Variants in ESYT1 observed in about 807,000 individuals in gnomAD.
The protein encoded by ESYT1 is extended synaptotagmin 1.
ESYT1 carries 116 observed loss-of-function variants against 154.2 expected under a neutral mutation model. The ratio of observed to expected loss-of-function variants is 0.75; its 90% CI spans 0.65 to 0.88. The LOEUF is 0.88. Ranked by LOEUF, ESYT1 falls within the 40% of genes least tolerant of loss-of-function variation. The pLI is 0.00. For missense variants in ESYT1, 1,264 were observed against 1,379.3 expected (o/e 0.92, Z 1.32); for synonymous variants, 500 against 539.9 (o/e 0.93, Z 1.02).
chr12:56,133,786 A>G lies in ESYT1; in HGVS notation c.1386A>G (p.Leu462=). Residue 462 remains leucine (L), a synonymous_variant, in exon 13 of 31, where the codon CTA becomes CTG. Transcript: ENST00000394048. ...LSDAEKLEQV[L]QWNWGVSSRP... ...CTACTACCACCCCTCCCCAGGTTCT[A>G]CAGTGGAATTGGGGAGTCTCCTCTC... The G allele has an allele frequency of 6.2e-7, 1 of 1,614,126 alleles. No homozygotes were observed. The highest frequency in any genetic ancestry group is 1.3e-5 in the African/African-American group (1 of 75,036).
chr12:56,142,147 A>T lies in ESYT1; in HGVS notation c.2593-138A>T. 1.0e-6 allele frequency: 1 copy of T among 967,140 alleles called. No individual in the cohort carries two copies. Among genetic ancestry groups the T allele is most frequent in the Non-Finnish European group, 1.5e-6 (1 of 649,564 alleles). The allele number at this position is 967,140 out of a possible 1,614,324, so 59.9% of individuals were successfully genotyped here. On this transcript the variant is annotated intron_variant, in intron 24 of 30. Transcript: ENST00000394048. This position sits in a 1 kb window ranked among gnomAD's most constrained non-coding sequence, Gnocchi z 4.1. ...ACAGAGGGAGGGACTAGCAACTGTT[A>T]CCATGGCTTCCCTGCCTTTCTCAAA...
At chr12:56,131,864 G>A (rs1161456716) in intron 7 of ESYT1, 60 bp downstream of exon 7, 21 of 1,547,402 alleles carry the variant, frequency 1.4e-5, no homozygotes, top group African/African-American at 2.7e-5. Flanking sequence ...GGGTTTAAGG[G>A]ACACAGAGCA....
Position 56,144,661 on chromosome 12 carries a change from T to G in ESYT1, c.*799T>G. Reference sequence around the variant, plus strand: ...AAGCCACTGGATCTTACATTAAACATCATACTCAAACCAGCTGTGGTTCTT... The same window carrying G: ...AAGCCACTGGATCTTACATTAAACAGCATACTCAAACCAGCTGTGGTTCTT... On this transcript the variant is annotated 3_prime_UTR_variant, in exon 31 of 31. Coordinates refer to ENST00000394048, the MANE Select transcript of ESYT1 (RefSeq NM_015292.3). 8 of 985,402 alleles carry G rather than the reference T, an allele frequency of 8.1e-6. No individual in the cohort carries two copies. The highest frequency in any genetic ancestry group is 9.6e-6 in the Non-Finnish European group (8 of 829,916). 61.0% of individuals were successfully genotyped at this position (985,402 alleles called of 1,614,324 possible).
At chr12:56,130,749 G>C in intron 2 of ESYT1, 42 bp from the exon 3 acceptor site, 1 of 1,613,260 alleles carries the variant, frequency 6.2e-7, no homozygotes, top group African/African-American at 1.3e-5. Flanking sequence ...GCCTTGAGAG[G>C]GAAGACTGGA....
At chr12:56,141,888 T>C (rs1367659996) in intron 24 of ESYT1, among the ~76,000 whole-genome samples, 1 of 151,918 alleles carries the variant, frequency 6.6e-6, no homozygotes, top group East Asian at 1.9e-4. Flanking sequence ...CACCTGAGGT[T>C]GGGAGTTTGA....
At position 56,143,782 on chromosome 12, in the gene ESYT1, G is replaced by T. The variant is rs376091553; in HGVS notation, c.3276-41G>T. ...ATCGTGTCTCATTTATAAATATGAT[G>T]ACACAAGAGTCATCTTTCTACATGA... is the stretch of plus-strand genomic sequence containing the variant. On this transcript the variant is annotated intron_variant, in intron 30 of 30. Transcript: ENST00000394048. 7 of 1,613,812 alleles carry T rather than the reference G, an allele frequency of 4.3e-6. No individual in the cohort carries two copies. The African/African-American group carries it at 8.0e-5, about 18-fold the overall frequency.
intron 7 of ESYT1, 87 bp downstream of exon 7, chr12:56,131,891 G>A (rs1338317065): frequency 1.5e-6 from 2 of 1,354,286 alleles, no homozygotes; most frequent in Non-Finnish European, 1.1e-6. Context: ...GATGCTGCTT[G>A]TGTCCTCTAG....
intron 22 of ESYT1, 116 bp from the exon 23 acceptor site, chr12:56,138,652 G>C (rs1482985852): frequency 2.3e-6 from 3 of 1,284,658 alleles, no homozygotes; most frequent in Admixed American, 1.7e-5. Context: ...TCAAGGCCAC[G>C]GGTAGTGGCT....
chr12:56,129,700 C>T (rs995686099), intron 1 of ESYT1: 1 of 152,304 alleles, frequency 6.6e-6, no homozygotes, highest in Non-Finnish European at 1.5e-5. Flanking sequence ...AACCAATCTT[C>T]CTACCCCCAA....
rs1324919813 is a variant in ESYT1 at position 56,142,323 on chromosome 12, C to T, written c.2631C>T (p.Ser877=). The T allele has an allele frequency of 1.9e-6, 3 of 1,614,014 alleles. No individual in the cohort carries two copies. The highest frequency in any genetic ancestry group is 2.7e-5 in the African/African-American group (2 of 74,912). ...GEGTGVLGSL[S]LPLSELLVAD... Reference sequence around the variant, plus strand: ...GCACTGGCGTGCTGGGCTCATTATCCCTGCCCCTCTCAGAGCTCCTCGTGG... The same window carrying T: ...GCACTGGCGTGCTGGGCTCATTATCTCTGCCCCTCTCAGAGCTCCTCGTGG... The change falls in exon 25 of 31, where the codon TCC becomes TCT. Residue 877 remains serine (S), a synonymous_variant. Coordinates refer to ENST00000394048, the MANE Select transcript of ESYT1 (RefSeq NM_015292.3). The surrounding 1 kb of genome is among the most constrained non-coding windows in gnomAD (Gnocchi z 4.1).
In ESYT1 at chr12:56,142,923, C is replaced by A; in HGVS notation, c.2977C>A (p.His993Asn). The change falls in exon 27 of 31, where the codon CAT (histidine) becomes AAT (asparagine). Residue 993 changes from histidine (H) to asparagine (N), a missense_variant. Physicochemically the swap from His to Asn is moderately conservative, Grantham distance 68. Coordinates refer to ENST00000394048, the MANE Select transcript of ESYT1 (RefSeq NM_015292.3). This position sits in a 1 kb window ranked among gnomAD's most constrained non-coding sequence, Gnocchi z 4.1. The part of the protein sequence containing the change: ...SEERKLVSIV[H>N]GCRSLRQNGR... ...AGAACGAAAGCTGGTCAGCATTGTT[C>A]ATGGTTGCCGGTGAGACCCCATCCC... 1 of 1,614,134 alleles carries A rather than the reference C, an allele frequency of 6.2e-7. No homozygotes were observed. Among genetic ancestry groups the A allele is most frequent in the South Asian group, 1.1e-5 (1 of 91,044 alleles).
rs200317832 is a variant in ESYT1, at chr12:56,133,577, A to G, written c.1294-11A>G. The G allele has an allele frequency of 3.7e-5, 59 of 1,613,996 alleles. No homozygotes were observed. The highest frequency in any genetic ancestry group is 5.3e-5 in the African/African-American group (4 of 74,914). On this transcript the variant is annotated splice_polypyrimidine_tract_variant and intron_variant, in intron 11 of 30. Coordinates refer to ENST00000394048, the MANE Select transcript of ESYT1 (RefSeq NM_015292.3). ...GGTATCTGATCTCTACTACATCTCA[A>G]TTTCTTCTAGTGGTTCCCTCTACAA... is the stretch of plus-strand genomic sequence containing the variant.
At chr12:56,136,648 C>G in intron 15 of ESYT1, 96 bp from the exon 16 acceptor site, 1 of 1,058,976 alleles carries the variant, frequency 9.4e-7, no homozygotes, top group Admixed American at 2.8e-5. Flanking sequence ...GTGATTGGTA[C>G]AGAGAGGAAT....
chr12:56,143,630 G>T lies in ESYT1; in HGVS notation c.3275+1G>T. 6.2e-7 allele frequency: 1 copy of T among 1,613,864 alleles called. No homozygotes were observed. The highest frequency in any genetic ancestry group is 8.5e-7 in the Non-Finnish European group (1 of 1,179,940). On this transcript the variant is annotated splice_donor_variant, in intron 30 of 30. Transcript: ENST00000394048. LOFTEE classifies it high-confidence loss of function. ...ACCTTTCCCAGGGTGTAGCCCGGTGGTGAGTGTCTGCGTGGGTGGGGGATG... is the reference window on the plus strand; with the variant it reads ...ACCTTTCCCAGGGTGTAGCCCGGTGTTGAGTGTCTGCGTGGGTGGGGGATG...
chr12:56,138,013 T>C lies in ESYT1; in HGVS notation c.2199-13T>C. The C allele has an allele frequency of 1.2e-6, 2 of 1,614,160 alleles. No homozygotes were observed. Among genetic ancestry groups the C allele is most frequent in the Non-Finnish European group, 1.7e-6 (2 of 1,180,010 alleles). On this transcript the variant is annotated splice_polypyrimidine_tract_variant and intron_variant, in intron 19 of 30. Transcript: ENST00000394048. The stretch of plus-strand genomic sequence containing the variant: ...CACCATCTAGCTTTTGTCTTAATCT[T>C]TCTCTTCAACAGGTGTAAAGTGCGT...
rs1870218843 is a variant in ESYT1 at position 56,131,168 on chromosome 12, A to G, written c.641+55A>G. 4.3e-6 allele frequency: 7 copies of G among 1,612,962 alleles called. No individual in the cohort carries two copies. The Admixed American group carries it at 5.0e-5, about 12-fold the overall frequency. ...CCCTTCAATGTGTCCTGTTCAGTCCAGGCTACTTCACTCCCCCTCCCCGCA... is the reference window on the plus strand; with the variant it reads ...CCCTTCAATGTGTCCTGTTCAGTCCGGGCTACTTCACTCCCCCTCCCCGCA... On this transcript the variant is annotated intron_variant, in intron 4 of 30. Transcript: ENST00000394048.
chr12:56,136,982 T>C (rs1870485399), intron 16 of ESYT1, 89 bp downstream of exon 16: 1 of 1,454,784 alleles, frequency 6.9e-7, no homozygotes, highest in African/African-American at 1.4e-5. Flanking sequence ...CCCCTAAGAT[T>C]AAAAGAGCTA....
At position 56,144,081 on chromosome 12, in the gene ESYT1, G is replaced by A. The variant is rs111761171; in HGVS notation, c.*219G>A. 3.5e-6 allele frequency: 5 copies of A among 1,425,430 alleles called. No individual in the cohort carries two copies. Among genetic ancestry groups the A allele is most frequent in the African/African-American group, 2.9e-5 (2 of 69,504 alleles). The allele number at this position is 1,425,430 out of a possible 1,614,324, so 88.3% of individuals were successfully genotyped here. ...CTTTATCCTTCTGGGCCCCTGGGGCGGGGACCTGAGCTGGCTGTTTCCTGC... is the reference window on the plus strand; with the variant it reads ...CTTTATCCTTCTGGGCCCCTGGGGCAGGGACCTGAGCTGGCTGTTTCCTGC... On this transcript the variant is annotated 3_prime_UTR_variant, in exon 31 of 31. Transcript: ENST00000394048.
Position 56,142,290 on chromosome 12 carries a change from G to A in ESYT1, c.2598G>A (p.Arg866=). 1 of 1,614,006 alleles carries A rather than the reference G, an allele frequency of 6.2e-7. No individual in the cohort carries two copies. Among genetic ancestry groups the A allele is most frequent in the Non-Finnish European group, 8.5e-7 (1 of 1,179,948 alleles). ...PHTESLELQV[R]GEGTGVLGSL... ...ATGGTCCTGTTGCCCCACAGGTTCG[G>A]GGTGAGGGCACTGGCGTGCTGGGCT... Residue 866 remains arginine, a synonymous_variant, in exon 25 of 31, where the codon CGG becomes CGA. Transcript: ENST00000394048. The surrounding 1 kb of genome is among the most constrained non-coding windows in gnomAD (Gnocchi z 4.1).
Sources: gnomAD v4.1 joint callset for allele counts (sites outside exome capture counted in the v4.1 genomes callset) on GRCh38, gnomAD v4.1.1 for gene constraint, Gnocchi (gnomAD v3.1) non-coding constraint, MANE v1.5 for transcripts, NCBI Gene and HGNC (gene_info 2026-07-23, HGNC 2026-07-21) for gene names.